Variants in DGKI observed in about 807,000 individuals in gnomAD.
The protein encoded by DGKI is diacylglycerol kinase iota, also known as DAG kinase iota.
DGKI carries 55 observed loss-of-function variants against 147.5 expected under a neutral mutation model. The ratio of observed to expected loss-of-function variants is 0.37; its 90% CI spans 0.30 to 0.47. The LOEUF (loss-of-function observed/expected upper bound fraction) is 0.47. Among genes scored for constraint, DGKI ranks in the 20% least tolerant of loss-of-function variants. The probability of loss-of-function intolerance (pLI) is 1.00; values close to 1 mark genes in which losing one functional copy is unlikely to be tolerated. For missense variants in DGKI, 1,007 were observed against 1,323.8 expected (o/e 0.76, Z 3.71); for synonymous variants, 469 against 477.1 (o/e 0.98, Z 0.22).
intron 1 of DGKI, among the ~76,000 whole-genome samples, chr7:137,702,498 T>C (rs1824017277): frequency 6.6e-6 from 1 of 152,176 alleles, no homozygotes; most frequent in Admixed American, 6.5e-5. Context: ...TCAGAACTCT[T>C]GAGATTATTT....
chr7:137,552,462 C>A lies in DGKI; in HGVS notation c.2054G>T (p.Arg685Met). 4 of 1,614,164 alleles carry A rather than the reference C, an allele frequency of 2.5e-6. No individual in the cohort carries two copies. The highest frequency in any genetic ancestry group is 3.4e-6 in the Non-Finnish European group (4 of 1,180,036). Residue 685 changes from arginine to methionine, a missense_variant, in exon 20 of 33, where the codon AGG becomes ATG. Around this residue, in one of 5 missense-constraint regions of DGKI, gnomAD observed 224 missense variants for 382.7 expected, o/e 0.59. Coordinates refer to ENST00000614521, the MANE Select transcript of DGKI (RefSeq NM_001321708.2). Reference protein sequence around the residue: ...IPMQVDGEPCRLAPAMIRISL... With the variant: ...IPMQVDGEPCMLAPAMIRISL... ...GATCCGAATCATAGCTGGGGCCAAC[C>A]TACAGGGCTCCCCATCCACTTGCAT... is the stretch of plus-strand genomic sequence containing the variant.
At chr7:137,541,081 A>G (rs1385270405) in intron 20 of DGKI, among the ~76,000 whole-genome samples, 1 of 152,208 alleles carries the variant, frequency 6.6e-6, no homozygotes. Context: ...AATAGCCACA[A>G]CAGTGTTGAC....
chr7:137,642,710 A>T (rs377432377), intron 6 of DGKI, among the ~76,000 whole-genome samples: 4 of 152,126 alleles, frequency 2.6e-5, no homozygotes, highest in African/African-American at 7.2e-5. Flanking sequence ...TGCCACACAC[A>T]CTCAGCCAAA....
At chr7:137,536,329 T>G (rs1248765427) in intron 20 of DGKI, among the ~76,000 whole-genome samples, 1 of 152,056 alleles carries the variant, frequency 6.6e-6, no homozygotes, top group African/African-American at 2.4e-5. Context: ...GTTAGTAGGG[T>G]GTTAAATTTG....
intron 1 of DGKI, among the ~76,000 whole-genome samples, chr7:137,713,120 ATG>A (rs1003211562): frequency 2.0e-5 from 3 of 152,306 alleles, no homozygotes; most frequent in African/African-American, 7.2e-5. Flanking sequence ...TTCTATCACC[ATG>A]TGTCTCAGCT....
At chr7:137,623,615 C>T (rs549960105) in intron 6 of DGKI, 61 bp from the exon 7 acceptor site, 4 of 1,469,024 alleles carry the variant, frequency 2.7e-6, no homozygotes, top group East Asian at 4.6e-5. Context: ...CGCACATTTG[C>T]CCTCCTGAAG....
chr7:137,426,813 A>G (rs1812828824), intron 28 of DGKI, among the ~76,000 whole-genome samples: 1 of 152,008 alleles, frequency 6.6e-6, no homozygotes, highest in African/African-American at 2.4e-5. Context: ...AGGCCATTAC[A>G]TAATGGTAAA....
intron 21 of DGKI, among the ~76,000 whole-genome samples, chr7:137,510,422 T>G (rs1563060405): frequency 6.6e-6 from 1 of 152,244 alleles, no homozygotes; most frequent in Non-Finnish European, 1.5e-5. Context: ...CGTAAAATTC[T>G]TAGACACAGA....
chr7:137,615,585 A>G (rs1820505419), intron 8 of DGKI, among the ~76,000 whole-genome samples: 1 of 150,962 alleles, frequency 6.6e-6, no homozygotes, highest in African/African-American at 2.4e-5. Context: ...TCAAATTTGG[A>G]AAAACATTTT....
At chr7:137,750,431 T>C (rs115939799) in intron 1 of DGKI, among the ~76,000 whole-genome samples, 1,026 of 94,068 alleles carry the variant, frequency 0.011, 7 homozygotes, top group African/African-American at 0.04. Context: ...CACAAGTGCC[T>C]AGAACAAAGC....
intron 19 of DGKI, among the ~76,000 whole-genome samples, chr7:137,556,878 A>G (rs1379862433): frequency 6.6e-6 from 1 of 152,220 alleles, no homozygotes; most frequent in Non-Finnish European, 1.5e-5. Flanking sequence ...AACATTCTAG[A>G]TGCTTCTATG....
rs1261711912 is a variant in DGKI at position 137,579,455 on chromosome 7, AG to A, written c.1643-1131del. On this transcript the variant is annotated intron_variant, in intron 15 of 32. Coordinates refer to ENST00000614521, the MANE Select transcript of DGKI (RefSeq NM_001321708.2). Reference sequence around the variant, plus strand: ...AAACAGTAAAAAAAAAAAAAAAGAAAGAAAAAAAGGCTATTTGCTTAATTAT... The same window carrying A: ...AAACAGTAAAAAAAAAAAAAAAGAAAAAAAAAAGGCTATTTGCTTAATTAT... 4.0e-5 allele frequency among the ~76,000 whole-genome samples: 6 copies of A among 151,692 alleles called. 1 individual carries two copies. The East Asian group carries it at 1.2e-3, about 29-fold the overall frequency.
intron 1 of DGKI, among the ~76,000 whole-genome samples, chr7:137,748,948 A>G (rs1795421880): frequency 6.6e-6 from 1 of 152,242 alleles, no homozygotes; most frequent in African/African-American, 2.4e-5. Context: ...AAACTGAGTT[A>G]GATGACAAGA....
chr7:137,515,405 G>A (rs1249740911), intron 21 of DGKI, among the ~76,000 whole-genome samples: 2 of 152,154 alleles, frequency 1.3e-5, no homozygotes, highest in African/African-American at 4.8e-5. Context: ...AAGGTAAGCA[G>A]TCAATTAATA....
At chr7:137,795,262 A>G (rs938062579) in intron 1 of DGKI, among the ~76,000 whole-genome samples, 7 of 152,226 alleles carry the variant, frequency 4.6e-5, no homozygotes, top group African/African-American at 1.7e-4. Context: ...AGTACCCTTG[A>G]AAACCAGCAG....
intron 1 of DGKI, among the ~76,000 whole-genome samples, chr7:137,824,529 AGAAAAAG>A (rs1397038128): frequency 0.019 from 2,620 of 141,008 alleles, 168 homozygotes; most frequent in African/African-American, 0.068. Context: ...AAAAAAAAAA[AGAAAAAG>A]AAAAGAAAAT....
intron 3 of DGKI, among the ~76,000 whole-genome samples, chr7:137,670,586 G>C (rs1822809254): frequency 6.6e-6 from 1 of 152,222 alleles, no homozygotes; most frequent in African/African-American, 2.4e-5. Context: ...GTAGCAGACA[G>C]TGTGTCTGTG....
At chr7:137,689,841 G>A (rs1234549768) in intron 2 of DGKI, 53 bp downstream of exon 2, 9 of 1,240,644 alleles carry the variant, frequency 7.3e-6, no homozygotes, top group South Asian at 1.6e-5. Flanking sequence ...CTGAGAATGA[G>A]AGACACAAAA....
intron 27 of DGKI, among the ~76,000 whole-genome samples, chr7:137,451,574 T>C (rs1813957506): frequency 1.3e-5 from 2 of 152,198 alleles, no homozygotes; most frequent in African/African-American, 4.8e-5. Flanking sequence ...CAAATGAGTA[T>C]TATATTTGGG....
Sources: allele counts gnomAD v4.1 joint callset (sites outside exome capture counted in the v4.1 genomes callset), GRCh38; gene constraint gnomAD v4.1.1; regional missense constraint gnomAD v4.1.1; transcripts MANE v1.5; gene names NCBI Gene and HGNC (gene_info 2026-07-23, HGNC 2026-07-21).